C1GALT1: variants seen among roughly 807,000 people sequenced by gnomAD.
C1GALT1 encodes the protein glycoprotein-N-acetylgalactosamine 3-beta-galactosyltransferase 1.
In C1GALT1, 11 loss-of-function variants were observed where a neutral mutation model predicts 31.0. That is an observed-to-expected ratio of 0.36 (90% CI 0.22 to 0.59). C1GALT1 has a LOEUF of 0.59. C1GALT1 is among the 20% of genes least tolerant of loss of function. The probability of loss-of-function intolerance (pLI) is 0.79; values close to 1 mark genes in which losing one functional copy is unlikely to be tolerated. For missense variants in C1GALT1, 424 were observed against 425.2 expected, an observed-to-expected ratio of 1.00 and a Z score of 0.03; for synonymous variants, 175 against 143.6, an observed-to-expected ratio of 1.22 and a Z score of -1.56.
chr7:7,242,211 T>A (rs1425879554), intron 3 of C1GALT1, among the ~76,000 whole-genome samples: 1 of 57,264 alleles, frequency 1.7e-5, no homozygotes, highest in East Asian at 3.1e-4. Flanking sequence ...GAAATTTCAC[T>A]TTTTTTTTTT....
chr7:7,186,785 G>C (rs1315412777), intron 1 of C1GALT1, among the ~76,000 whole-genome samples: 1 of 152,164 alleles, frequency 6.6e-6, no homozygotes, highest in East Asian at 1.9e-4. Flanking sequence ...TTAGTATTAG[G>C]TTCAATCTAT....
chr7:7,206,297 A>G (rs56288560), intron 1 of C1GALT1, among the ~76,000 whole-genome samples: 24,138 of 151,876 alleles, frequency 0.16, 2,205 homozygotes, highest in East Asian at 0.37. Flanking sequence ...TGCAATTTTT[A>G]TTTTTTCATA....
intron 1 of C1GALT1, among the ~76,000 whole-genome samples, chr7:7,230,361 G>A (rs1472279691): frequency 1.3e-5 from 2 of 151,838 alleles, no homozygotes; most frequent in African/African-American, 4.8e-5. Flanking sequence ...TTTTTTTGTG[G>A]TATCAATAAG....
At chr7:7,183,536 C>T in intron 1 of C1GALT1, 1 of 983,630 alleles carries the variant, frequency 1.0e-6, no homozygotes, top group Non-Finnish European at 1.2e-6. Context: ...CATTTTTCCC[C>T]AACAAATTGT....
intron 1 of C1GALT1, among the ~76,000 whole-genome samples, chr7:7,222,977 A>C (rs1217191097): frequency 6.6e-6 from 1 of 152,116 alleles, no homozygotes; most frequent in African/African-American, 2.4e-5. Context: ...TGAGTTACTT[A>C]CGTGATGAAA....
intron 1 of C1GALT1, among the ~76,000 whole-genome samples, chr7:7,230,369 A>G (rs997936923): frequency 6.6e-6 from 1 of 152,118 alleles, no homozygotes; most frequent in Admixed American, 6.5e-5. Flanking sequence ...TGGTATCAAT[A>G]AGCTTTCCTT....
At chr7:7,241,608 G>C (rs1783633218) in intron 3 of C1GALT1, among the ~76,000 whole-genome samples, 1 of 151,848 alleles carries the variant, frequency 6.6e-6, no homozygotes, top group Non-Finnish European at 1.5e-5. Context: ...TATTTCCATA[G>C]GTATGCAATA....
intron 2 of C1GALT1, among the ~76,000 whole-genome samples, chr7:7,174,748 T>TTTTTTA (rs1191243860): frequency 6.6e-6 from 1 of 152,010 alleles, no homozygotes; most frequent in African/African-American, 2.4e-5. Flanking sequence ...CCACTTAGAT[T>TTTTTTA]TTTTTATTTT....
At chr7:7,174,976 AT>A (rs1423540056) in intron 2 of C1GALT1, among the ~76,000 whole-genome samples, 1 of 151,876 alleles carries the variant, frequency 6.6e-6, no homozygotes, top group Non-Finnish European at 1.5e-5. Context: ...GACAGTTTCT[AT>A]CCATTTATTT....
chr7:7,174,139 C>G (rs920429736), intron 2 of C1GALT1, among the ~76,000 whole-genome samples: 1 of 151,966 alleles, frequency 6.6e-6, no homozygotes, highest in African/African-American at 2.4e-5. Flanking sequence ...TCTGGTATCT[C>G]TTCTTGAGAA....
intron 1 of C1GALT1, among the ~76,000 whole-genome samples, chr7:7,189,464 G>A (rs1375794267): frequency 6.6e-6 from 1 of 151,994 alleles, no homozygotes; most frequent in African/African-American, 2.4e-5. Context: ...TTGCCAATAT[G>A]TTAGGTTAAA....
chr7:7,228,156 G>T (rs6960832), intron 1 of C1GALT1, among the ~76,000 whole-genome samples: 82,406 of 152,054 alleles, frequency 0.54, 24,282 homozygotes, highest in African/African-American at 0.78. Flanking sequence ...TTGCTAGAGA[G>T]AAACCTGTAA....
intron 1 of C1GALT1, among the ~76,000 whole-genome samples, chr7:7,206,945 A>G (rs1006683482): frequency 6.6e-6 from 1 of 152,060 alleles, no homozygotes; most frequent in Admixed American, 6.5e-5. Flanking sequence ...AGTCTCCTTG[A>G]AGTCATTCTA....
chr7:7,161,310 T>G (rs1780331540), intron 2 of C1GALT1, among the ~76,000 whole-genome samples: 1 of 152,132 alleles, frequency 6.6e-6, no homozygotes, highest in Non-Finnish European at 1.5e-5. Flanking sequence ...TACAACTCAC[T>G]TAGTCTAACT....
At chr7:7,203,457 T>G (rs551220835) in intron 1 of C1GALT1, among the ~76,000 whole-genome samples, 1 of 151,306 alleles carries the variant, frequency 6.6e-6, no homozygotes. Flanking sequence ...CCATGTAGGG[T>G]TTTTTTTTCC....
chr7:7,173,384 T>A (rs1780473899), intron 2 of C1GALT1, among the ~76,000 whole-genome samples: 1 of 152,072 alleles, frequency 6.6e-6, no homozygotes. Context: ...CTGTAAAGAC[T>A]GCAGAACCAT....
rs1369182001 is a variant in C1GALT1 at position 7,246,031 on chromosome 7, A to C, written c.*2304A>C. 1 of 152,222 alleles carries C rather than the reference A, an allele frequency of 6.6e-6. No homozygotes were observed. The highest frequency in any genetic ancestry group is 2.4e-5 in the African/African-American group (1 of 41,438). The allele number at this position is 152,222 out of a possible 1,614,324, so 9.4% of individuals were successfully genotyped here. A position where few individuals can be genotyped will look rare whatever the true frequency, so the allele number is the denominator to read the frequency against. ...TTGTATTATTATTCTGTTACCTTGG[A>C]GTGTAAGTACTGCATTTAAGTGAAT... On this transcript the variant is annotated 3_prime_UTR_variant, in exon 4 of 4. Coordinates refer to ENST00000436587, the MANE Select transcript of C1GALT1 (RefSeq NM_020156.5).
intron 2 of C1GALT1, among the ~76,000 whole-genome samples, chr7:7,236,182 G>A: frequency 6.6e-6 from 1 of 152,104 alleles, no homozygotes; most frequent in Non-Finnish European, 1.5e-5. Context: ...GTCAGGCTCA[G>A]GCTCCCTGAA....
At chr7:7,223,008 A>C (rs1262364454) in intron 1 of C1GALT1, among the ~76,000 whole-genome samples, 1 of 152,198 alleles carries the variant, frequency 6.6e-6, no homozygotes, top group African/African-American at 2.4e-5. Context: ...TACTTCTTAC[A>C]AGCACATTCT....
Sources: allele counts gnomAD v4.1 joint callset (sites outside exome capture counted in the v4.1 genomes callset), GRCh38; gene constraint gnomAD v4.1.1; transcripts MANE v1.5; gene names NCBI Gene and HGNC (gene_info 2026-07-23, HGNC 2026-07-21).